The following SNX5 variants were observed in gnomAD, a reference collection of about 807,000 sequenced individuals.
SNX5 encodes the protein sorting nexin-5.
A neutral mutation model predicts 53.9 loss-of-function variants in SNX5; 31 were observed. That is an observed-to-expected ratio of 0.58 (90% CI 0.43 to 0.78). The LOEUF is 0.78. SNX5 is among the 30% of genes least tolerant of loss of function. The pLI is 0.00. For synonymous variants in SNX5, 168 were observed against 171.1 expected (o/e 0.98, Z 0.14); for missense variants, 471 against 478.8 (o/e 0.98, Z 0.15).
chr20:17,957,773 G>A (rs2035386036), intron 1 of SNX5, among the ~76,000 whole-genome samples: 1 of 152,206 alleles, frequency 6.6e-6, no homozygotes, highest in Non-Finnish European at 1.5e-5. Context: ...TGTGGAATAG[G>A]ATCCTGGGTG....
chr20:17,954,423 G>A (rs1317873438), intron 3 of SNX5, among the ~76,000 whole-genome samples: 2 of 152,178 alleles, frequency 1.3e-5, no homozygotes, highest in Non-Finnish European at 2.9e-5. Context: ...CTAGTACAAC[G>A]AATGCTAAGC....
At chr20:17,950,947 C>T (rs192557415) in intron 6 of SNX5, 2 of 158,106 alleles carry the variant, frequency 1.3e-5, no homozygotes, top group African/African-American at 4.8e-5. Flanking sequence ...AAGCCAGATA[C>T]CAGACAGTAA....
chr20:17,942,697 C>A, intron 12 of SNX5: 1 of 455,582 alleles, frequency 2.2e-6, no homozygotes. Context: ...CTTACTGTAA[C>A]TTCTTAAGAC....
intron 10 of SNX5, among the ~76,000 whole-genome samples, chr20:17,947,882 A>C (rs1305313133): frequency 7.2e-6 from 1 of 139,658 alleles, no homozygotes; most frequent in East Asian, 2.4e-4. Context: ...GTGAAAACAG[A>C]AGGACTTTTG....
intron 2 of SNX5, 43 bp downstream of exon 2, chr20:17,956,890 C>A (rs781347993): frequency 1.0e-6 from 1 of 994,530 alleles, no homozygotes; most frequent in Non-Finnish European, 1.6e-6. Context: ...AATAACAAGG[C>A]TGCAACCTAG....
chr20:17,959,181 G>A (rs1157532600), intron 1 of SNX5, among the ~76,000 whole-genome samples: 1 of 152,182 alleles, frequency 6.6e-6, no homozygotes, highest in Non-Finnish European at 1.5e-5. Context: ...ATTCGAATAG[G>A]AGGACCCAAG....
intron 1 of SNX5, chr20:17,962,264 T>A (rs1568597278): frequency 6.2e-6 from 1 of 161,068 alleles, no homozygotes; most frequent in African/African-American, 2.5e-5. Flanking sequence ...AGTGGCACAG[T>A]CTCAGCTCAC....
At chr20:17,967,700 A>C (rs938357985) in intron 1 of SNX5, 1 of 174,500 alleles carries the variant, frequency 5.7e-6, no homozygotes, top group South Asian at 2.0e-4. Context: ...TGAATCTTTA[A>C]TTGGCTATGG....
Position 17,948,875 on chromosome 20 carries a change from C to T in SNX5, c.918+15G>A, listed in dbSNP as rs1205876082. 1 of 1,607,124 alleles carries T rather than the reference C, an allele frequency of 6.2e-7. No individual in the cohort carries two copies. The highest frequency in any genetic ancestry group is 1.1e-5 in the South Asian group (1 of 90,872). ...TCCTGCACTGCTCTGAGAAGCTGAGCAACTCTCTTCCTACCTTAGCAGCTT... is the reference window on the plus strand; with the variant it reads ...TCCTGCACTGCTCTGAGAAGCTGAGTAACTCTCTTCCTACCTTAGCAGCTT... On this transcript the variant is annotated intron_variant, in intron 10 of 12. Coordinates refer to ENST00000377759, the MANE Select transcript of SNX5 (RefSeq NM_014426.4).
Position 17,963,447 on chromosome 20 carries a change from A to G in SNX5, c.51+4928T>C, listed in dbSNP as rs571422470. 1.5e-4 allele frequency among the ~76,000 whole-genome samples: 23 copies of G among 152,342 alleles called. No homozygotes were observed. In the South Asian group the frequency reaches 4.8e-3, roughly 32 times the overall value. ...GACCACTGAACTCGAGCCTGGGAGCAGGCCGAGACCCTGAGACCCTGTCTC... is the reference window on the plus strand; with the variant it reads ...GACCACTGAACTCGAGCCTGGGAGCGGGCCGAGACCCTGAGACCCTGTCTC... On this transcript the variant is annotated intron_variant, in intron 1 of 12. Coordinates refer to ENST00000377759, the MANE Select transcript of SNX5 (RefSeq NM_014426.4).
intron 1 of SNX5, among the ~76,000 whole-genome samples, chr20:17,958,071 A>T (rs536523976): frequency 6.6e-6 from 1 of 152,102 alleles, no homozygotes; most frequent in Admixed American, 6.5e-5. Context: ...CTATTAGGGA[A>T]AAGTGACTTA....
chr20:17,952,405 A>T (rs1345147917), intron 5 of SNX5, among the ~76,000 whole-genome samples, 182 bp downstream of exon 5: 1 of 152,212 alleles, frequency 6.6e-6, no homozygotes, highest in Non-Finnish European at 1.5e-5. Flanking sequence ...AGGGGAAAGA[A>T]GTCAAAATTT....
intron 1 of SNX5, among the ~76,000 whole-genome samples, chr20:17,964,538 C>T (rs2035507444): frequency 6.6e-6 from 1 of 152,074 alleles, no homozygotes; most frequent in African/African-American, 2.4e-5. Flanking sequence ...CAGAGTACCT[C>T]AATGGCCAAT....
chr20:17,968,199 C>T (rs1459759038), intron 1 of SNX5, 176 bp downstream of exon 1: 1 of 426,842 alleles, frequency 2.3e-6, no homozygotes, highest in East Asian at 3.5e-5. Flanking sequence ...CAGGGATTCC[C>T]CGGGGCAGCC....
At chr20:17,968,314 G>A in intron 1 of SNX5, 61 bp downstream of exon 1, 2 of 1,212,784 alleles carry the variant, frequency 1.6e-6, no homozygotes, top group African/African-American at 3.1e-5. Flanking sequence ...GGGAAAGAAT[G>A]CAGCGACCCC....
Position 17,952,596 on chromosome 20 carries a change from A to T in SNX5, c.504T>A (p.Tyr168Ter). 1 of 1,613,856 alleles carries T rather than the reference A, an allele frequency of 6.2e-7. No individual in the cohort carries two copies. The highest frequency in any genetic ancestry group is 8.5e-7 in the Non-Finnish European group (1 of 1,179,896). ...AATAAAAATGCCTTACATCCTGATC[A>T]TATTCCAGGAAAACATGAAAGTTGC... ...KDRNFHVFLEYDQDLSVRRKN... is the reference protein window; with the variant it reads ...KDRNFHVFLE Residue 168 changes from tyrosine to a stop codon, truncating the protein, a stop_gained, in exon 5 of 13, where the codon TAT becomes TAA. Coordinates refer to ENST00000377759, the MANE Select transcript of SNX5 (RefSeq NM_014426.4). LOFTEE classifies it high-confidence loss of function.
At chr20:17,950,444 C>G (rs1364459231) in intron 6 of SNX5, 48 bp from the exon 7 acceptor site, 1 of 1,046,016 alleles carries the variant, frequency 9.6e-7, no homozygotes, top group South Asian at 1.4e-5. Flanking sequence ...ATATACTATC[C>G]CTGCAGCCTT....
intron 11 of SNX5, 185 bp downstream of exon 11, chr20:17,947,301 G>A: frequency 1.7e-6 from 1 of 589,558 alleles, no homozygotes; most frequent in Non-Finnish European, 2.9e-6. Context: ...AAAACCAGGT[G>A]TGTAACGTTT....
At chr20:17,946,164 C>A (rs1420174052) in intron 11 of SNX5, among the ~76,000 whole-genome samples, 6 of 152,178 alleles carry the variant, frequency 3.9e-5, no homozygotes, top group Admixed American at 2.6e-4. Flanking sequence ...AAGAAAGAAC[C>A]CTATGGATGT....
Sources: allele counts gnomAD v4.1 joint callset (sites outside exome capture counted in the v4.1 genomes callset), GRCh38; gene constraint gnomAD v4.1.1; transcripts MANE v1.5; gene names NCBI Gene and HGNC (gene_info 2026-07-23, HGNC 2026-07-21).